CD300LG: variants seen among roughly 807,000 people sequenced by gnomAD.
CD300LG encodes the protein CD300 molecule like family member g, also known as CMRF35-like molecule 9.
Under a neutral mutation model 31.5 loss-of-function variants are expected in CD300LG, and 29 were observed. That is an observed-to-expected ratio of 0.92 (90% CI 0.68 to 1.25). The LOEUF (loss-of-function observed/expected upper bound fraction) is 1.25. Among genes scored for constraint, CD300LG ranks in the 50% most tolerant of loss-of-function variants. The pLI is 0.00. For missense variants in CD300LG, 396 were observed against 417.6 expected (o/e 0.95, Z 0.45); for synonymous variants, 175 against 177.2 (o/e 0.99, Z 0.10).
intron 2 of CD300LG, chr17:43,849,202 T>C: frequency 1.9e-6 from 1 of 535,162 alleles, no homozygotes; most frequent in Admixed American, 3.4e-5. Flanking sequence ...TTCCATAGGC[T>C]GGGTACAAGA....
chr17:43,857,513 G>T, intron 6 of CD300LG: 3 of 1,506,828 alleles, frequency 2.0e-6, no homozygotes, highest in Non-Finnish European at 2.7e-6. Flanking sequence ...GAGATCTCTA[G>T]CCTGACTTTT....
chr17:43,861,706 G>A, intron 6 of CD300LG, 92 bp from the exon 7 acceptor site: 2 of 753,764 alleles, frequency 2.7e-6, no homozygotes, highest in Non-Finnish European at 4.1e-6. Flanking sequence ...GAAAAGGCTG[G>A]GTGGACGCAG....
intron 6 of CD300LG, chr17:43,857,949 T>C: frequency 6.5e-7 from 1 of 1,530,560 alleles, no homozygotes. Context: ...CCAAGGCTAC[T>C]GCTGCAAGAA....
At chr17:43,858,332 G>T in intron 6 of CD300LG, 1 of 998,414 alleles carries the variant, frequency 1.0e-6, no homozygotes, top group Non-Finnish European at 1.2e-6. Context: ...CCACCTCCAA[G>T]CCCGGCCTCC....
chr17:43,855,482 G>A lies in CD300LG; in HGVS notation c.832+163G>A, dbSNP rs973365448. 4.5e-5 allele frequency: 21 copies of A among 470,294 alleles called. No individual in the cohort carries two copies. In the South Asian group the frequency reaches 4.8e-4, roughly 11 times the overall value. The allele number at this position is 470,294 out of a possible 1,614,324, so 29.1% of individuals were successfully genotyped here. On this transcript the variant is annotated intron_variant, in intron 5 of 6. Transcript: ENST00000317310. ...GTGGCCTCCCTTCTGAAGGAGCCAC[G>A]AGGTAGTCAACATTAGGAAAGTAAT...
Position 43,855,199 on chromosome 17 carries a change from G to T in CD300LG, c.720-8G>T. The T allele has an allele frequency of 1.3e-6, 2 of 1,588,664 alleles. No homozygotes were observed. Among genetic ancestry groups the T allele is most frequent in the Middle Eastern group, 1.7e-4 (1 of 5,972 alleles). On this transcript the variant is annotated splice_polypyrimidine_tract_variant and splice_region_variant and intron_variant, in intron 4 of 6. Transcript: ENST00000317310. Reference sequence around the variant, plus strand: ...ACAGCCACTAGGCTCCTTGCGTCTCGTCTCCAGGGTGTCCATCCCGATGGT... The same window carrying T: ...ACAGCCACTAGGCTCCTTGCGTCTCTTCTCCAGGGTGTCCATCCCGATGGT...
rs116253080 is a variant in CD300LG, at chr17:43,861,844, T to C, written c.932T>C (p.Val311Ala). The part of the protein sequence containing the change: ...EAPSQAPEGD[V>A]ISMPPLHTSE... ...CCTTCCCAGGCCCCTGAGGGGGACG[T>C]GATCTCGATGCCTCCCCTCCACACA... Residue 311 changes from valine to alanine, a missense_variant, in exon 7 of 7, where the codon GTG (valine) becomes GCG (alanine). Coordinates refer to ENST00000317310, the MANE Select transcript of CD300LG (RefSeq NM_145273.4). The C allele has an allele frequency of 0.015, 24,413 of 1,612,510 alleles. 256 individuals are homozygous for C. The highest frequency in any genetic ancestry group is 0.048 in the Middle Eastern group (288 of 6,044).
intron 2 of CD300LG, chr17:43,849,842 T>A (rs1567847359): frequency 6.7e-6 from 1 of 149,344 alleles, no homozygotes; most frequent in African/African-American, 2.5e-5. Context: ...ATAGCCCCTA[T>A]TTTTTTTTTA....
At chr17:43,848,995 G>A (rs1273720967) in intron 2 of CD300LG, 102 bp downstream of exon 2, 1 of 1,028,278 alleles carries the variant, frequency 9.7e-7, no homozygotes, top group Admixed American at 2.3e-5. Context: ...TGGGCACTGA[G>A]TCCTCAGGGA....
rs1049713176 is a variant in CD300LG, at chr17:43,848,781, G to A, written c.267G>A (p.Ser89=). The A allele has an allele frequency of 1.2e-5, 20 of 1,614,148 alleles. No homozygotes were observed. Among genetic ancestry groups the A allele is most frequent in the East Asian group, 2.2e-5 (1 of 44,888 alleles). ...TCCGTGACAGCCGCCAGGAGCTCTCGCTCATTGTGACCCTGTGGAACCTCA... is the reference window on the plus strand; with the variant it reads ...TCCGTGACAGCCGCCAGGAGCTCTCACTCATTGTGACCCTGTGGAACCTCA... ...VSIRDSRQEL[S]LIVTLWNLTL... is the part of the protein sequence containing the mutation. Residue 89 remains serine, a synonymous_variant, in exon 2 of 7, where the codon TCG becomes TCA. Transcript: ENST00000317310.
intron 6 of CD300LG, among the ~76,000 whole-genome samples, chr17:43,859,926 G>C (rs1329928903): frequency 6.6e-6 from 1 of 152,166 alleles, no homozygotes; most frequent in Admixed American, 6.5e-5. Flanking sequence ...TAGAGAAATG[G>C]GGTCTCACTA....
intron 2 of CD300LG, chr17:43,849,172 C>A: frequency 1.8e-6 from 1 of 546,992 alleles, no homozygotes. Flanking sequence ...CCTTTCTGCC[C>A]AGGTGTGCTG....
chr17:43,862,415 T>G lies in CD300LG; in HGVS notation c.*504T>G, dbSNP rs2046670480. The G allele has an allele frequency of 6.6e-6, 1 of 152,252 alleles. No individual in the cohort carries two copies. Among genetic ancestry groups the G allele is most frequent in the Non-Finnish European group, 1.5e-5 (1 of 68,122 alleles). The allele number at this position is 152,252 out of a possible 1,614,324, so 9.4% of individuals were successfully genotyped here. A position where few individuals can be genotyped will look rare whatever the true frequency, so the allele number is the denominator to read the frequency against. ...GATTCTGGCTTCTCTTTGAACCACC[T>G]GCATCCCAGCCCTTCAGGAAGCCTG... is the stretch of plus-strand genomic sequence containing the variant. On this transcript the variant is annotated 3_prime_UTR_variant, in exon 7 of 7. Transcript: ENST00000317310.
chr17:43,857,476 T>C (rs1323658656), intron 6 of CD300LG: 1 of 1,535,710 alleles, frequency 6.5e-7, no homozygotes, highest in African/African-American at 1.4e-5. Context: ...TCACAGAACA[T>C]CAGAGCTGGA....
chr17:43,858,096 G>C, intron 6 of CD300LG: 14 of 1,383,728 alleles, frequency 1.0e-5, no homozygotes, highest in Non-Finnish European at 1.3e-5. Context: ...TAAACACAAG[G>C]GCAGGAAAGC....
At position 43,853,972 on chromosome 17, in the gene CD300LG, C is replaced by T; in HGVS notation, c.647C>T (p.Pro216Leu). 6.2e-7 allele frequency: 1 copy of T among 1,614,184 alleles called. No homozygotes were observed. Among genetic ancestry groups the T allele is most frequent in the Non-Finnish European group, 8.5e-7 (1 of 1,180,016 alleles). The change falls in exon 4 of 7, where the codon CCC (proline) becomes CTC (leucine). Residue 216 changes from proline to leucine, a missense_variant. Transcript: ENST00000317310. ...TCTCCTCCTGCAGGGAGCTCCCGCC[C>T]CCCCATGCAGCTGGACTCCACCTCA... ...ATSPPAGSSR[P>L]PMQLDSTSAE... is the part of the protein sequence containing the mutation.
rs767002311 is a variant in CD300LG, at chr17:43,848,727, C to T, written c.213C>T (p.Gly71=). 30 of 1,613,988 alleles carry T rather than the reference C, an allele frequency of 1.9e-5. No individual in the cohort carries two copies. The highest frequency in any genetic ancestry group is 2.5e-5 in the Non-Finnish European group (30 of 1,180,034). ...CSGTIYAEEE[G]QETMKGRVSI... The stretch of plus-strand genomic sequence containing the variant: ...GCACCATCTATGCAGAAGAAGAAGG[C>T]CAGGAGACAATGAAGGGCAGGGTGT... The change falls in exon 2 of 7, where the codon GGC becomes GGT. Residue 71 remains glycine, a synonymous_variant. Transcript: ENST00000317310.
chr17:43,854,130 C>T (rs2046443557), intron 4 of CD300LG, 86 bp downstream of exon 4: 4 of 996,328 alleles, frequency 4.0e-6, no homozygotes, highest in Non-Finnish European at 4.5e-6. Context: ...AACACTCTTT[C>T]CTCTAAGCGG....
At chr17:43,854,872 C>G (rs73320356) in intron 4 of CD300LG, among the ~76,000 whole-genome samples, 7,806 of 152,218 alleles carry the variant, frequency 0.051, 662 homozygotes, top group African/African-American at 0.18. Context: ...TACACATCCT[C>G]ACCCATTTGA....
Sources: allele counts gnomAD v4.1 joint callset (sites outside exome capture counted in the v4.1 genomes callset), GRCh38; gene constraint gnomAD v4.1.1; transcripts MANE v1.5; gene names NCBI Gene and HGNC (gene_info 2026-07-23, HGNC 2026-07-21).